The following SH3GL2 variants were observed in gnomAD, a reference collection of about 807,000 sequenced individuals.
SH3GL2 encodes the protein SH3 domain containing GRB2 like 2, endophilin A1, also known as endophilin-A1.
In SH3GL2, 24 loss-of-function variants were observed where a neutral mutation model predicts 46.0. The observed-to-expected ratio is 0.52, with a 90% CI of 0.38 to 0.73. SH3GL2 has a LOEUF of 0.73. Ranked by LOEUF, SH3GL2 falls within the 30% of genes least tolerant of loss-of-function variation. SH3GL2 has a pLI of 0.00. For missense variants in SH3GL2, 413 were observed against 424.2 expected, an observed-to-expected ratio of 0.97 and a Z score of 0.23; for synonymous variants, 196 against 147.1, an observed-to-expected ratio of 1.33 and a Z score of -2.40.
chr9:17,787,589 AT>A (rs992788628), intron 5 of SH3GL2, 76 bp downstream of exon 5: 9 of 1,258,508 alleles, frequency 7.2e-6, no homozygotes, highest in Non-Finnish European at 1.0e-5. Flanking sequence ...TTTAGAAAAC[AT>A]TTTTTTAGCT....
chr9:17,654,167 A>G (rs993020083), intron 1 of SH3GL2, among the ~76,000 whole-genome samples: 21 of 152,170 alleles, frequency 1.4e-4, no homozygotes, highest in African/African-American at 4.8e-4. Flanking sequence ...AGAAAACCAG[A>G]TTGGAAAAAC....
intron 1 of SH3GL2, among the ~76,000 whole-genome samples, chr9:17,657,285 CT>C (rs1161191247): frequency 6.6e-6 from 1 of 152,120 alleles, no homozygotes; most frequent in East Asian, 1.9e-4. Flanking sequence ...TTTTAATATA[CT>C]GTAGTGAATG....
rs3808715 is a variant in SH3GL2, at chr9:17,688,067, A to G, written c.46-58999A>G. On this transcript the variant is annotated intron_variant, in intron 1 of 8. Coordinates refer to ENST00000380607, the MANE Select transcript of SH3GL2 (RefSeq NM_003026.5). ...AGTTAGCCTTCTGCTCCCTGCTTTC[A>G]CCTAAGTTCATCTTTTCCAGTCTCT... 1.1e-3 allele frequency among the ~76,000 whole-genome samples: 168 copies of G among 152,138 alleles called. 2 individuals are homozygous for G. The East Asian group carries it at 0.029, about 27-fold the overall frequency.
chr9:17,641,645 G>A (rs934106217), intron 1 of SH3GL2, among the ~76,000 whole-genome samples: 2 of 152,102 alleles, frequency 1.3e-5, no homozygotes, highest in Non-Finnish European at 2.9e-5. Flanking sequence ...CTGTGTCCAT[G>A]TGTTCTCATT....
chr9:17,792,768 C>T (rs557752684), intron 7 of SH3GL2, among the ~76,000 whole-genome samples: 5 of 152,148 alleles, frequency 3.3e-5, no homozygotes, highest in African/African-American at 1.2e-4. Flanking sequence ...TAGACTCCTT[C>T]CCACCTTCAC....
intron 1 of SH3GL2, among the ~76,000 whole-genome samples, chr9:17,635,691 A>G (rs1998248): frequency 0.23 from 34,478 of 152,110 alleles, 4,586 homozygotes; most frequent in East Asian, 0.45. Context: ...GAGTGTACAC[A>G]ACAGAGGAAA....
chr9:17,636,559 G>T (rs1294034598), intron 1 of SH3GL2, among the ~76,000 whole-genome samples: 1 of 152,110 alleles, frequency 6.6e-6, no homozygotes, highest in South Asian at 2.1e-4. Flanking sequence ...CAGCAGTGTT[G>T]CTGTTTTGAT....
At chr9:17,705,809 G>C (rs534994177) in intron 1 of SH3GL2, among the ~76,000 whole-genome samples, 1 of 152,132 alleles carries the variant, frequency 6.6e-6, no homozygotes, top group Admixed American at 6.6e-5. Flanking sequence ...CGAGGGTAGA[G>C]AGTGGGAGGA....
intron 1 of SH3GL2, among the ~76,000 whole-genome samples, chr9:17,693,871 A>T (rs1339994369): frequency 1.3e-5 from 2 of 152,192 alleles, no homozygotes; most frequent in Non-Finnish European, 2.9e-5. Flanking sequence ...TCTTGGTTAG[A>T]GCTTTCATGG....
chr9:17,751,230 T>C (rs1396384454), intron 2 of SH3GL2, among the ~76,000 whole-genome samples: 1 of 152,144 alleles, frequency 6.6e-6, no homozygotes, highest in Non-Finnish European at 1.5e-5. Context: ...AAGAATGCCA[T>C]TTCATATGAG....
At chr9:17,750,892 A>G (rs964731978) in intron 2 of SH3GL2, among the ~76,000 whole-genome samples, 1 of 152,190 alleles carries the variant, frequency 6.6e-6, no homozygotes, top group African/African-American at 2.4e-5. Flanking sequence ...ATTGTACGTA[A>G]ATCAGTACCT....
rs528211265 is a variant in SH3GL2 at position 17,791,090 on chromosome 9, G to C, written c.625-141G>C. 4 of 633,106 alleles carry C rather than the reference G, an allele frequency of 6.3e-6. No individual in the cohort carries two copies. In the South Asian group the frequency reaches 7.4e-5, roughly 12 times the overall value. 39.2% of individuals were successfully genotyped at this position (633,106 alleles called of 1,614,324 possible). A position where few individuals can be genotyped will look rare whatever the true frequency, so the allele number is the denominator to read the frequency against. On this transcript the variant is annotated intron_variant, in intron 6 of 8. Transcript: ENST00000380607. ...GAAACCTGCAGAACTATCTATCTTA[G>C]TTGGCTTATCACACAGTCATCAGCA...
At chr9:17,678,218 C>T (rs1820666182) in intron 1 of SH3GL2, among the ~76,000 whole-genome samples, 1 of 152,018 alleles carries the variant, frequency 6.6e-6, no homozygotes, top group South Asian at 2.1e-4. Context: ...ACACTGACTT[C>T]CACAATGGTT....
intron 3 of SH3GL2, among the ~76,000 whole-genome samples, chr9:17,762,126 A>C (rs1823193129): frequency 6.6e-6 from 1 of 152,026 alleles, no homozygotes; most frequent in African/African-American, 2.4e-5. Flanking sequence ...TAGGTATAGC[A>C]AAGCAAAGCA....
At chr9:17,626,225 C>T (rs1473195360) in intron 1 of SH3GL2, among the ~76,000 whole-genome samples, 2 of 152,170 alleles carry the variant, frequency 1.3e-5, no homozygotes, top group South Asian at 4.1e-4. Context: ...TCTTTTATTG[C>T]CTCCATATGT....
intron 1 of SH3GL2, among the ~76,000 whole-genome samples, chr9:17,619,127 T>G (rs535193389): frequency 6.6e-6 from 1 of 152,320 alleles, no homozygotes; most frequent in African/African-American, 2.4e-5. Context: ...TTATACCTAC[T>G]TTACAAGTGC....
At chr9:17,765,518 A>G (rs1823292702) in intron 3 of SH3GL2, among the ~76,000 whole-genome samples, 1 of 152,208 alleles carries the variant, frequency 6.6e-6, no homozygotes, top group Non-Finnish European at 1.5e-5. Flanking sequence ...GATATTTTAA[A>G]AAGCAAATTT....
intron 2 of SH3GL2, among the ~76,000 whole-genome samples, chr9:17,758,033 A>T (rs1031471539): frequency 6.6e-6 from 1 of 152,200 alleles, no homozygotes; most frequent in Admixed American, 6.5e-5. Flanking sequence ...CTACTGGCAG[A>T]TGACTTCAGA....
chr9:17,601,108 C>T (rs1215262198), intron 1 of SH3GL2, among the ~76,000 whole-genome samples: 2 of 152,148 alleles, frequency 1.3e-5, no homozygotes, highest in Non-Finnish European at 2.9e-5. Context: ...GGTGGTGTTT[C>T]TACAGCTTTT....
Sources: gnomAD v4.1 joint callset for allele counts (sites outside exome capture counted in the v4.1 genomes callset) on GRCh38, gnomAD v4.1.1 for gene constraint, MANE v1.5 for transcripts, NCBI Gene and HGNC (gene_info 2026-07-23, HGNC 2026-07-21) for gene names.